Variants in ZBTB20 observed in about 807,000 individuals in gnomAD.
The protein encoded by ZBTB20 is zinc finger and BTB domain containing 20, also known as zinc finger and BTB domain-containing protein 20.
In ZBTB20, 9 loss-of-function variants were observed where a neutral mutation model predicts 56.9. That is an observed-to-expected ratio of 0.16 (90% CI 0.10 to 0.28). The LOEUF (loss-of-function observed/expected upper bound fraction) is 0.28, where lower values mean the gene tolerates loss of function less well. Among genes scored for constraint, ZBTB20 ranks in the 10% least tolerant of loss-of-function variants. The pLI is 1.00. For synonymous variants in ZBTB20, 417 were observed against 420.7 expected, an observed-to-expected ratio of 0.99 and a Z score of 0.11; for missense variants, 655 against 1,003.0, an observed-to-expected ratio of 0.65 and a Z score of 4.69.
intron 6 of ZBTB20, chr3:114,527,203 G>A (rs187983116): frequency 5.3e-5 from 8 of 152,236 alleles, no homozygotes; most frequent in African/African-American, 1.9e-4. Context: ...AAAATGTAAT[G>A]ATTGTCTTGT....
chr3:114,594,978 T>C (rs1017923940), intron 6 of ZBTB20, among the ~76,000 whole-genome samples: 11 of 152,268 alleles, frequency 7.2e-5, no homozygotes, highest in Admixed American at 2.0e-4. Flanking sequence ...ACTAAATCTC[T>C]TGATGCAGGC....
chr3:114,862,008 T>C (rs935396688), intron 4 of ZBTB20, among the ~76,000 whole-genome samples: 1 of 152,212 alleles, frequency 6.6e-6, no homozygotes, highest in Admixed American at 6.5e-5. Context: ...ATGATTCTTA[T>C]TTGTTTTTCC....
intron 2 of ZBTB20, among the ~76,000 whole-genome samples, chr3:114,975,893 G>A (rs2078078503): frequency 6.6e-6 from 1 of 152,118 alleles, no homozygotes; most frequent in African/African-American, 2.4e-5. Flanking sequence ...CTTTTTCACT[G>A]TAACCCCATT....
intron 6 of ZBTB20, among the ~76,000 whole-genome samples, chr3:114,648,758 G>C (rs2059979149): frequency 6.6e-6 from 1 of 151,984 alleles, no homozygotes. Context: ...AAGTATAGCA[G>C]AGGAAGATCA....
chr3:115,129,098 C>CA (rs910104429), intron 1 of ZBTB20, among the ~76,000 whole-genome samples: 2,188 of 140,712 alleles, frequency 0.016, 25 homozygotes, highest in Non-Finnish European at 0.025. Flanking sequence ...GACTCCGTCT[C>CA]AAAAAAAAAA....
Position 114,567,217 on chromosome 3 carries a change from T to C in ZBTB20, c.-294-66826A>G, listed in dbSNP as rs373441319. 1.1e-3 allele frequency among the ~76,000 whole-genome samples: 166 copies of C among 152,280 alleles called. 2 individuals carry two copies. In the South Asian group the frequency reaches 0.023, roughly 22 times the overall value. On this transcript the variant is annotated intron_variant, in intron 6 of 11. Transcript: ENST00000675478. The stretch of plus-strand genomic sequence containing the variant: ...TCGCAGGGTCCTATGTGTATCTTTT[T>C]CTTAGTGTGATGGTTGCACTCAATG...
At chr3:114,678,044 A>C (rs904083710) in intron 6 of ZBTB20, among the ~76,000 whole-genome samples, 2 of 152,188 alleles carry the variant, frequency 1.3e-5, no homozygotes, top group African/African-American at 4.8e-5. Context: ...AAGGCAAAGC[A>C]ATCTGATTCT....
intron 6 of ZBTB20, among the ~76,000 whole-genome samples, chr3:114,669,941 T>C (rs2061270361): frequency 6.6e-6 from 1 of 152,084 alleles, no homozygotes; most frequent in Non-Finnish European, 1.5e-5. Context: ...ATGTCAATTA[T>C]ATATGAAAGG....
At chr3:114,531,921 G>A (rs1178223248) in intron 6 of ZBTB20, among the ~76,000 whole-genome samples, 1 of 152,282 alleles carries the variant, frequency 6.6e-6, no homozygotes, top group East Asian at 1.9e-4. Context: ...AGAAAGCCGC[G>A]AGGGACTGTG....
intron 6 of ZBTB20, among the ~76,000 whole-genome samples, chr3:114,658,074 T>C (rs1235434834): frequency 6.6e-6 from 1 of 152,196 alleles, no homozygotes; most frequent in African/African-American, 2.4e-5. Context: ...AAAAAATCAC[T>C]CATAGTGCCC....
chr3:114,783,966 G>A (rs2070306973), intron 5 of ZBTB20, among the ~76,000 whole-genome samples: 1 of 152,056 alleles, frequency 6.6e-6, no homozygotes, highest in African/African-American at 2.4e-5. Context: ...ACAATTATAG[G>A]CAATACCAAT....
At chr3:114,766,673 AT>A (rs1359334799) in intron 5 of ZBTB20, among the ~76,000 whole-genome samples, 1 of 152,076 alleles carries the variant, frequency 6.6e-6, no homozygotes, top group Non-Finnish European at 1.5e-5. Context: ...GCTCTGTTAA[AT>A]AGCTTTAAAA....
intron 7 of ZBTB20, among the ~76,000 whole-genome samples, chr3:114,447,543 G>A (rs896814179): frequency 1.3e-5 from 2 of 152,040 alleles, no homozygotes; most frequent in Non-Finnish European, 2.9e-5. Flanking sequence ...CCACCCTAGT[G>A]CTCCCCTGCA....
chr3:114,925,228 C>T (rs2076112562), intron 3 of ZBTB20, among the ~76,000 whole-genome samples: 1 of 151,872 alleles, frequency 6.6e-6, no homozygotes, highest in Non-Finnish European at 1.5e-5. Flanking sequence ...GTGATCCGCC[C>T]CCTCAGCCTC....
intron 6 of ZBTB20, among the ~76,000 whole-genome samples, chr3:114,651,874 C>A (rs1397941513): frequency 1.3e-5 from 2 of 151,974 alleles, no homozygotes; most frequent in African/African-American, 4.8e-5. Context: ...TTACATTCTA[C>A]CACATCTCTT....
At chr3:114,432,793 G>A (rs1265245672) in intron 7 of ZBTB20, among the ~76,000 whole-genome samples, 1 of 152,140 alleles carries the variant, frequency 6.6e-6, no homozygotes, top group Admixed American at 6.5e-5. Context: ...ATTTTGTGTG[G>A]ATGAAATTTA....
intron 2 of ZBTB20, among the ~76,000 whole-genome samples, chr3:115,026,381 A>G (rs891122494): frequency 6.6e-6 from 1 of 151,016 alleles, no homozygotes; most frequent in Non-Finnish European, 1.5e-5. Flanking sequence ...GCTGGACCCC[A>G]TCTCACCAAA....
chr3:114,556,520 G>C (rs1416298494), intron 6 of ZBTB20, among the ~76,000 whole-genome samples: 1 of 151,976 alleles, frequency 6.6e-6, no homozygotes, highest in African/African-American at 2.4e-5. Context: ...TTTCCAATCT[G>C]TATGAATTGA....
intron 11 of ZBTB20, among the ~76,000 whole-genome samples, chr3:114,340,012 C>G (rs749613743): frequency 1.3e-5 from 2 of 152,066 alleles, no homozygotes; most frequent in East Asian, 3.8e-4. Flanking sequence ...TTTTGAAGAG[C>G]TATACTTTCA....
Sources: allele counts gnomAD v4.1 joint callset (sites outside exome capture counted in the v4.1 genomes callset), GRCh38; gene constraint gnomAD v4.1.1; transcripts MANE v1.5; gene names NCBI Gene and HGNC (gene_info 2026-07-23, HGNC 2026-07-21).